The following APLF variants were observed in gnomAD, a reference collection of about 807,000 sequenced individuals.
The protein encoded by APLF is aprataxin and PNKP like factor, also known as aprataxin and PNK-like factor.
A neutral mutation model predicts 55.6 loss-of-function variants in APLF; 61 were observed. The ratio of observed to expected loss-of-function variants is 1.10; its 90% confidence interval spans 0.89 to 1.36. The LOEUF (loss-of-function observed/expected upper bound fraction) is 1.36. APLF is among the 40% of genes most tolerant of loss of function. The pLI, the probability that APLF is intolerant of heterozygous loss-of-function variation, is 0.00. For synonymous variants in APLF, 207 were observed against 214.8 expected (o/e 0.96, Z 0.32); for missense variants, 611 against 602.5 (o/e 1.01, Z -0.15).
At chr2:68,501,778 C>T (rs1043934221) in intron 2 of APLF, among the ~76,000 whole-genome samples, 1 of 152,104 alleles carries the variant, frequency 6.6e-6, no homozygotes, top group African/African-American at 2.4e-5. Context: ...ATTCCTCTTT[C>T]AGGAGGTAGA....
rs914176627 is a variant in APLF, at chr2:68,578,418, C to T, written c.*396C>T. ...ACCAGGCAAAGTACATGAAAACATG[C>T]CTCTTTTCATTGTTACTGAAGTAAT... On this transcript the variant is annotated 3_prime_UTR_variant, in exon 10 of 10. Coordinates refer to ENST00000303795, the MANE Select transcript of APLF (RefSeq NM_173545.3). The T allele has an allele frequency of 4.0e-6, 4 of 991,150 alleles. No homozygotes were observed. The African/African-American group carries it at 7.0e-5, about 17-fold the overall frequency. 61.4% of individuals were successfully genotyped at this position (991,150 alleles called of 1,614,324 possible).
At chr2:68,502,331 T>A (rs1023918300) in intron 2 of APLF, among the ~76,000 whole-genome samples, 8 of 152,182 alleles carry the variant, frequency 5.3e-5, no homozygotes, top group Non-Finnish European at 7.3e-5. Flanking sequence ...CTAGCCATTG[T>A]CAGGAAATTA....
At chr2:68,483,866 C>T (rs1175952439) in intron 1 of APLF, among the ~76,000 whole-genome samples, 1 of 152,038 alleles carries the variant, frequency 6.6e-6, no homozygotes, top group Non-Finnish European at 1.5e-5. Flanking sequence ...TATATTATAC[C>T]TGTCTATGAT....
At chr2:68,488,135 A>G (rs1392547069) in intron 1 of APLF, among the ~76,000 whole-genome samples, 1 of 152,142 alleles carries the variant, frequency 6.6e-6, no homozygotes, top group Non-Finnish European at 1.5e-5. Flanking sequence ...CCAGCTTTAT[A>G]TGCCATAGTT....
At chr2:68,540,752 AATAGGGTGT>A (rs1407387708) in intron 7 of APLF, among the ~76,000 whole-genome samples, 1 of 151,488 alleles carries the variant, frequency 6.6e-6, no homozygotes, top group African/African-American at 2.4e-5. Flanking sequence ...TCAGAATCCC[AATAGGGTGT>A]ATGTGCATGC....
At position 68,531,568 on chromosome 2, in the gene APLF, G is replaced by A. The variant is rs139313106; in HGVS notation, c.804+5326G>A. 58 of 152,282 alleles carry A rather than the reference G, an allele frequency of 3.8e-4. 1 individual carries two copies. The highest frequency in any genetic ancestry group is 1.4e-3 in the African/African-American group (57 of 41,556). The allele number at this position is 152,282 out of a possible 1,614,324, so 9.4% of individuals were successfully genotyped here. On this transcript the variant is annotated intron_variant, in intron 6 of 9. Coordinates refer to ENST00000303795, the MANE Select transcript of APLF (RefSeq NM_173545.3). ...TCAGTTCCTTTGCTTTACTTATGGAGGCAAGCTTAATAAATGAAAACAAAA... is the reference window on the plus strand; with the variant it reads ...TCAGTTCCTTTGCTTTACTTATGGAAGCAAGCTTAATAAATGAAAACAAAA...
intron 8 of APLF, among the ~76,000 whole-genome samples, chr2:68,565,086 A>G (rs1028778940): frequency 2.6e-5 from 4 of 152,108 alleles, no homozygotes; most frequent in Admixed American, 1.3e-4. Context: ...TTCCCTCATG[A>G]CAAAAAGTTC....
intron 1 of APLF, among the ~76,000 whole-genome samples, chr2:68,472,796 T>G (rs1298535880): frequency 6.6e-6 from 1 of 152,210 alleles, no homozygotes; most frequent in Non-Finnish European, 1.5e-5. Context: ...GATCACATTA[T>G]GTCAATGATC....
intron 7 of APLF, among the ~76,000 whole-genome samples, chr2:68,540,844 C>T (rs1238578164): frequency 6.6e-6 from 1 of 151,924 alleles, no homozygotes; most frequent in Non-Finnish European, 1.5e-5. Context: ...TAGCAAAGGA[C>T]GTAGAACTCT....
chr2:68,518,990 T>G (rs1189528421), intron 5 of APLF, among the ~76,000 whole-genome samples: 3 of 107,476 alleles, frequency 2.8e-5, no homozygotes, highest in African/African-American at 1.3e-4. Flanking sequence ...ATATACAATA[T>G]CTGATAATAT....
chr2:68,469,014 G>GTGTGTGTTGTGTGT (rs1553366880), intron 1 of APLF, among the ~76,000 whole-genome samples: 1 of 147,408 alleles, frequency 6.8e-6, no homozygotes, highest in African/African-American at 2.6e-5. Flanking sequence ...GTGTGTGTGT[G>GTGTGTGTTGTGTGT]TGTGTGTTGT....
rs186216682 is a variant in APLF at position 68,568,619 on chromosome 2, G to A, written c.1333+1232G>A. On this transcript the variant is annotated intron_variant, in intron 9 of 9. Coordinates refer to ENST00000303795, the MANE Select transcript of APLF (RefSeq NM_173545.3). ...AAGTATATATTGTTGACAAATTATAGCATTGTCCCATGCAAGAGCATTTGA... is the reference window on the plus strand; with the variant it reads ...AAGTATATATTGTTGACAAATTATAACATTGTCCCATGCAAGAGCATTTGA... 8.0e-4 allele frequency among the ~76,000 whole-genome samples: 121 copies of A among 152,122 alleles called. 1 individual carries two copies. The highest frequency in any genetic ancestry group is 2.8e-3 in the African/African-American group (118 of 41,522).
intron 8 of APLF, among the ~76,000 whole-genome samples, chr2:68,566,835 G>A (rs1671325095): frequency 6.6e-6 from 1 of 151,946 alleles, no homozygotes; most frequent in South Asian, 2.1e-4. Context: ...TTCAGAATAT[G>A]TTATCTGAAT....
chr2:68,518,404 ATAT>A, intron 5 of APLF, among the ~76,000 whole-genome samples: 1 of 108,526 alleles, frequency 9.2e-6, no homozygotes, highest in African/African-American at 4.1e-5. Context: ...ATATAACAAT[ATAT>A]TATATATTAT....
intron 6 of APLF, among the ~76,000 whole-genome samples, chr2:68,534,322 T>C (rs897200149): frequency 6.6e-6 from 1 of 152,028 alleles, no homozygotes; most frequent in African/African-American, 2.4e-5. Flanking sequence ...GGCTAGAGGT[T>C]AGGAGTTTTA....
chr2:68,533,663 G>A (rs544996834), intron 6 of APLF, among the ~76,000 whole-genome samples: 5 of 152,254 alleles, frequency 3.3e-5, no homozygotes, highest in African/African-American at 9.6e-5. Context: ...CCTCAGCAAA[G>A]GTTGATGGAA....
intron 3 of APLF, among the ~76,000 whole-genome samples, chr2:68,507,398 G>C (rs531124568): frequency 6.6e-6 from 1 of 151,806 alleles, no homozygotes; most frequent in East Asian, 1.9e-4. Context: ...TTTTTATATA[G>C]TATTTAGATT....
chr2:68,550,676 CTCT>C (rs1670835451), intron 8 of APLF, among the ~76,000 whole-genome samples: 1 of 149,758 alleles, frequency 6.7e-6, no homozygotes, highest in Non-Finnish European at 1.5e-5. Context: ...TTTTTTTCTC[CTCT>C]GTTAATTTTT....
At position 68,578,368 on chromosome 2, in the gene APLF, G is replaced by T. The variant is rs1006026027; in HGVS notation, c.*346G>T. 4.9e-6 allele frequency: 5 copies of T among 1,029,748 alleles called. No individual in the cohort carries two copies. Among genetic ancestry groups the T allele is most frequent in the Admixed American group, 1.0e-4 (2 of 19,282 alleles). 63.8% of individuals were successfully genotyped at this position (1,029,748 alleles called of 1,614,324 possible). A position where few individuals can be genotyped will look rare whatever the true frequency, so the allele number is the denominator to read the frequency against. On this transcript the variant is annotated 3_prime_UTR_variant, in exon 10 of 10. Coordinates refer to ENST00000303795, the MANE Select transcript of APLF (RefSeq NM_173545.3). ...TGGTCTTTTTAAATTTTTTTCCAAA[G>T]ATTATGGAGTACTCTGCAAGTATAA...
Sources: gnomAD v4.1 joint callset for allele counts (sites outside exome capture counted in the v4.1 genomes callset) on GRCh38, gnomAD v4.1.1 for gene constraint, MANE v1.5 for transcripts, NCBI Gene and HGNC (gene_info 2026-07-23, HGNC 2026-07-21) for gene names.